Variants in WSB2 observed in about 807,000 individuals in gnomAD.
WSB2 encodes WD repeat and SOCS box-containing protein 2.
A neutral mutation model predicts 48.8 loss-of-function variants in WSB2; 12 were observed. The observed-to-expected ratio is 0.25, with a 90% CI of 0.16 to 0.40. The LOEUF (loss-of-function observed/expected upper bound fraction) is 0.40, where lower values mean the gene tolerates loss of function less well. Ranked by LOEUF, WSB2 falls within the 10% of genes least tolerant of loss-of-function variation. The probability of loss-of-function intolerance (pLI) is 1.00; values close to 1 mark genes in which losing one functional copy is unlikely to be tolerated. For missense variants in WSB2, 317 were observed against 506.2 expected (o/e 0.63, Z 3.59); for synonymous variants, 191 against 203.1 (o/e 0.94, Z 0.51).
At position 118,053,424 on chromosome 12, in the gene WSB2, G is replaced by A. The variant is rs77739770; in HGVS notation, c.14-946C>T. Among the ~76,000 whole-genome samples the A allele has an allele frequency of 6.3e-3, 953 of 152,230 alleles. 10 individuals are homozygous for A. The highest frequency in any genetic ancestry group is 0.022 in the African/African-American group (908 of 41,522). ...CCACCTAGATTCACAACTAAGAAGCGTACCCTGATCTCACACTATCAAAAC... is the reference window on the plus strand; with the variant it reads ...CCACCTAGATTCACAACTAAGAAGCATACCCTGATCTCACACTATCAAAAC... On this transcript the variant is annotated intron_variant, in intron 1 of 8. Transcript: ENST00000315436.
At chr12:118,036,858 G>A (rs1421844643) in intron 5 of WSB2, among the ~76,000 whole-genome samples, 3 of 152,172 alleles carry the variant, frequency 2.0e-5, no homozygotes, top group African/African-American at 7.2e-5. Context: ...ATGAAGACCT[G>A]AGCCAAGTGC....
intron 1 of WSB2, among the ~76,000 whole-genome samples, chr12:118,058,884 C>T (rs1460604117): frequency 4.0e-5 from 6 of 151,870 alleles, no homozygotes; most frequent in African/African-American, 1.2e-4. Flanking sequence ...TTAGTAGAGA[C>T]GGAGTTTCAT....
At chr12:118,057,344 G>C (rs1216430359) in intron 1 of WSB2, among the ~76,000 whole-genome samples, 4 of 151,496 alleles carry the variant, frequency 2.6e-5, no homozygotes, top group Non-Finnish European at 5.9e-5. Context: ...GCGCCATCTC[G>C]GCTCATTGCA....
intron 2 of WSB2, among the ~76,000 whole-genome samples, chr12:118,048,326 G>A (rs991839576): frequency 7.9e-5 from 12 of 151,754 alleles, no homozygotes; most frequent in East Asian, 2.0e-4. Context: ...AATGGCTCAC[G>A]CCTGTAATCC....
At chr12:118,036,621 AT>A in intron 5 of WSB2, 111 bp from the exon 6 acceptor site, 1 of 1,144,226 alleles carries the variant, frequency 8.7e-7, no homozygotes, top group South Asian at 1.5e-5. Flanking sequence ...GCCAGGGCTG[AT>A]TCTCTATCCC....
At position 118,042,971 on chromosome 12, in the gene WSB2, C is replaced by A. The variant is rs777750703; in HGVS notation, c.429G>T (p.Gly143=). The change falls in exon 4 of 9, where the codon GGG becomes GGT. Residue 143 remains glycine, a splice_region_variant and synonymous_variant. Coordinates refer to ENST00000315436, the MANE Select transcript of WSB2 (RefSeq NM_018639.5). ...GGCCGGAAAGATTCAAAAGCAGGAG[C>A]CCTGGCATGGGAGCAGGGGCACTGA... ...GQIKIWEVQT[G]LLLLNLSGHQ... 6.2e-6 allele frequency: 10 copies of A among 1,613,994 alleles called. No homozygotes were observed. Among genetic ancestry groups the A allele is most frequent in the African/African-American group, 1.3e-5 (1 of 74,912 alleles).
intron 2 of WSB2, among the ~76,000 whole-genome samples, chr12:118,046,907 G>T (rs1249996197): frequency 6.6e-6 from 1 of 152,066 alleles, no homozygotes; most frequent in Non-Finnish European, 1.5e-5. Context: ...GAGTAGCTGG[G>T]ACTACAGGCG....
At chr12:118,051,405 A>C (rs1348113565) in intron 2 of WSB2, among the ~76,000 whole-genome samples, 1 of 152,262 alleles carries the variant, frequency 6.6e-6, no homozygotes, top group Non-Finnish European at 1.5e-5. Flanking sequence ...ATGTACGAAC[A>C]AAATTTGGCA....
In WSB2 at chr12:118,034,048, C is replaced by T. The variant is rs1013689952; in HGVS notation, c.*148G>A. 8 of 1,067,038 alleles carry T rather than the reference C, an allele frequency of 7.5e-6. No individual in the cohort carries two copies. In the African/African-American group the frequency reaches 9.5e-5, roughly 13 times the overall value. 66.1% of individuals were successfully genotyped at this position (1,067,038 alleles called of 1,614,324 possible). A position where few individuals can be genotyped will look rare whatever the true frequency, so the allele number is the denominator to read the frequency against. ...GGGAGAGAAAGATCCATGACTAGTA[C>T]ACTGGAATCTGGTTTTGCTACATTC... On this transcript the variant is annotated 3_prime_UTR_variant, in exon 9 of 9. Transcript: ENST00000315436.
chr12:118,035,373 C>T (rs2031487539), intron 6 of WSB2, 49 bp from the exon 7 acceptor site: 6 of 1,547,004 alleles, frequency 3.9e-6, no homozygotes, highest in Non-Finnish European at 5.3e-6. Context: ...TGGCTGCTCT[C>T]CACCCTCCAT....
intron 8 of WSB2, 62 bp downstream of exon 8, chr12:118,034,924 A>G (rs2031470915): frequency 1.3e-6 from 2 of 1,498,176 alleles, no homozygotes; most frequent in Admixed American, 3.9e-5. Flanking sequence ...TCTTTCCTTA[A>G]AAAGCTCCAT....
At chr12:118,045,550 T>C (rs1475439133) in intron 2 of WSB2, among the ~76,000 whole-genome samples, 1 of 151,362 alleles carries the variant, frequency 6.6e-6, no homozygotes, top group Non-Finnish European at 1.5e-5. Context: ...ATACAAAAAT[T>C]AGCTGGACGT....
Position 118,060,971 on chromosome 12 carries a change from C to A in WSB2, c.13+65G>T, listed in dbSNP as rs1185928550. ...CCAGCCCGCCCCGGGGTCGCCTCCC[C>A]CCTCCCCGGGGAGAACGGGCCAGGG... is the stretch of plus-strand genomic sequence containing the variant. On this transcript the variant is annotated intron_variant, in intron 1 of 8. Transcript: ENST00000315436. The surrounding 1 kb of genome is among the most constrained non-coding windows in gnomAD (Gnocchi z 4.1). 4.8e-6 allele frequency: 4 copies of A among 841,680 alleles called. No individual in the cohort carries two copies. The highest frequency in any genetic ancestry group is 5.7e-6 in the Non-Finnish European group (4 of 697,430). The allele number at this position is 841,680 out of a possible 1,614,324, so 52.1% of individuals were successfully genotyped here. A position where few individuals can be genotyped will look rare whatever the true frequency, so the allele number is the denominator to read the frequency against.
intron 1 of WSB2, among the ~76,000 whole-genome samples, chr12:118,057,890 C>G (rs1051780382): frequency 6.7e-6 from 1 of 149,464 alleles, no homozygotes; most frequent in Non-Finnish European, 1.5e-5. Context: ...TCCTGTGTAT[C>G]GGGCTACGGG....
rs1475932629 is a variant in WSB2, at chr12:118,061,102, C to A, written c.-54G>T. The A allele has an allele frequency of 3.6e-5, 35 of 980,042 alleles. No homozygotes were observed. Among genetic ancestry groups the A allele is most frequent in the Non-Finnish European group, 8.5e-6 (7 of 827,996 alleles). 60.7% of individuals were successfully genotyped at this position (980,042 alleles called of 1,614,324 possible). ...CGGCGGGCGCCTCAGCCCCCCGGGC[C>A]GCGGGCCCTCATGCCGCCCCCGCGC... On this transcript the variant is annotated 5_prime_UTR_variant, in exon 1 of 9. Transcript: ENST00000315436.
intron 6 of WSB2, 135 bp downstream of exon 6, chr12:118,036,203 A>C: frequency 9.2e-7 from 1 of 1,090,226 alleles, no homozygotes; most frequent in Non-Finnish European, 1.3e-6. Flanking sequence ...CTCCGTCTCA[A>C]AAGAGACCCA....
upstream of WSB2, among the ~76,000 whole-genome samples, chr12:118,061,432 C>A (rs1176931509): frequency 6.9e-6 from 1 of 145,642 alleles, no homozygotes; most frequent in East Asian, 2.1e-4. Flanking sequence ...GGGGCGCGAA[C>A]GGGATAAAAC....
At chr12:118,043,495 C>A in intron 2 of WSB2, 118 bp from the exon 3 acceptor site, 1 of 1,441,742 alleles carries the variant, frequency 6.9e-7, no homozygotes, top group Non-Finnish European at 9.2e-7. Context: ...CCCAAGCTGG[C>A]GTACAGTGAC....
rs139786952 is a variant in WSB2 at position 118,034,936 on chromosome 12, G to A, written c.1052+50C>T. ...GTTTCTTTCCTTAAAAAGCTCCATG[G>A]TATACTCAGCAGAAAGCACCACCCA... On this transcript the variant is annotated intron_variant, in intron 8 of 8. Coordinates refer to ENST00000315436, the MANE Select transcript of WSB2 (RefSeq NM_018639.5). The A allele has an allele frequency of 2.3e-5, 36 of 1,560,224 alleles. No homozygotes were observed. The African/African-American group carries it at 3.4e-4, about 15-fold the overall frequency.
Sources: allele counts gnomAD v4.1 joint callset (sites outside exome capture counted in the v4.1 genomes callset), GRCh38; gene constraint gnomAD v4.1.1; non-coding constraint Gnocchi (gnomAD v3.1); transcripts MANE v1.5; gene names NCBI Gene and HGNC (gene_info 2026-07-23, HGNC 2026-07-21).